NTM: variants seen among roughly 807,000 people sequenced by gnomAD.
The protein encoded by NTM is IgLON family member 2.
In NTM, 13 loss-of-function variants were observed where a neutral mutation model predicts 42.1. That is an observed-to-expected ratio of 0.31 (90% CI 0.20 to 0.49). The LOEUF is 0.49. Among genes scored for constraint, NTM ranks in the 20% least tolerant of loss-of-function variants. NTM has a pLI of 0.99. For synonymous variants in NTM, 187 were observed against 179.2 expected (o/e 1.04, Z -0.35); for missense variants, 373 against 452.8 (o/e 0.82, Z 1.60).
At chr11:131,436,491 T>C (rs995648058) in intron 1 of NTM, among the ~76,000 whole-genome samples, 2 of 152,222 alleles carry the variant, frequency 1.3e-5, no homozygotes, top group African/African-American at 4.8e-5. Context: ...GGGATTCAAC[T>C]TCTTCCTGGT....
intron 4 of NTM, among the ~76,000 whole-genome samples, chr11:132,285,663 T>C (rs975336502): frequency 6.6e-6 from 1 of 152,186 alleles, no homozygotes; most frequent in Non-Finnish European, 1.5e-5. Flanking sequence ...AAATTGGCAA[T>C]ATGAGTTTAG....
chr11:131,381,903 C>A (rs1050825961), intron 1 of NTM, among the ~76,000 whole-genome samples: 1 of 152,168 alleles, frequency 6.6e-6, no homozygotes, highest in African/African-American at 2.4e-5. Flanking sequence ...AAAAGAACAG[C>A]AGATGATTCT....
intron 1 of NTM, chr11:131,795,908 T>A (rs1044363081): frequency 1.5e-5 from 15 of 976,888 alleles, no homozygotes; most frequent in Non-Finnish European, 1.8e-5. Flanking sequence ...GGGATCACTT[T>A]ATTGGAGTAA....
chr11:132,062,086 C>G (rs1281828839), intron 2 of NTM, among the ~76,000 whole-genome samples: 2 of 152,132 alleles, frequency 1.3e-5, no homozygotes. Flanking sequence ...GAAGCAGGTA[C>G]AGTCACTCTA....
At chr11:131,612,063 C>T (rs1485979399) in intron 1 of NTM, among the ~76,000 whole-genome samples, 3 of 152,168 alleles carry the variant, frequency 2.0e-5, no homozygotes, top group Non-Finnish European at 4.4e-5. Flanking sequence ...ATCACATTTG[C>T]CACCACATCC....
At chr11:131,530,936 G>T (rs1234278111) in intron 1 of NTM, among the ~76,000 whole-genome samples, 1 of 152,234 alleles carries the variant, frequency 6.6e-6, no homozygotes, top group East Asian at 1.9e-4. Flanking sequence ...ACAGTAGTGG[G>T]AGGTAGGGAT....
intron 2 of NTM, among the ~76,000 whole-genome samples, chr11:131,995,933 G>A (rs930018619): frequency 3.4e-4 from 52 of 152,162 alleles, no homozygotes; most frequent in African/African-American, 1.2e-3. Context: ...TGCATGTGGT[G>A]ACCTGGTGAG....
At chr11:131,699,252 G>T (rs916288497) in intron 1 of NTM, among the ~76,000 whole-genome samples, 1 of 152,156 alleles carries the variant, frequency 6.6e-6, no homozygotes, top group East Asian at 1.9e-4. Context: ...AATTAGAAAC[G>T]TACTTTCCAG....
intron 1 of NTM, chr11:131,605,838 G>A (rs919256270): frequency 9.7e-5 from 95 of 984,380 alleles, no homozygotes; most frequent in Non-Finnish European, 1.1e-4. Context: ...TAACTGCCTG[G>A]AAGCCTCTTC....
At chr11:131,629,092 T>C (rs1397520697) in intron 1 of NTM, among the ~76,000 whole-genome samples, 1 of 152,228 alleles carries the variant, frequency 6.6e-6, no homozygotes, top group Non-Finnish European at 1.5e-5. Context: ...AATAGGGAGA[T>C]TTGGGACAGT....
chr11:131,920,871 A>G (rs1019017255), intron 2 of NTM, among the ~76,000 whole-genome samples: 1 of 152,198 alleles, frequency 6.6e-6, no homozygotes, highest in Non-Finnish European at 1.5e-5. Context: ...AGGAAGATGT[A>G]TCTGTGTGAA....
At chr11:132,014,025 A>G (rs184773015) in intron 2 of NTM, among the ~76,000 whole-genome samples, 4 of 151,974 alleles carry the variant, frequency 2.6e-5, no homozygotes, top group East Asian at 1.9e-4. Context: ...CCATTAGCCA[A>G]CCTTTCTTCA....
intron 2 of NTM, among the ~76,000 whole-genome samples, chr11:131,998,799 G>C (rs1170135274): frequency 1.3e-5 from 2 of 152,114 alleles, no homozygotes; most frequent in Admixed American, 6.5e-5. Context: ...GGGCAAGAAT[G>C]ATCGGTGGGG....
At chr11:131,374,200 G>T (rs1050601143) in intron 1 of NTM, among the ~76,000 whole-genome samples, 1 of 152,226 alleles carries the variant, frequency 6.6e-6, no homozygotes, top group Non-Finnish European at 1.5e-5. Context: ...TGCCTGCCAG[G>T]CTTGGGGCTG....
At chr11:132,154,885 T>A (rs1019047181) in intron 3 of NTM, among the ~76,000 whole-genome samples, 1 of 152,250 alleles carries the variant, frequency 6.6e-6, no homozygotes, top group Admixed American at 6.5e-5. Context: ...CCTGGAGTTT[T>A]TGGAGCACCA....
At chr11:131,672,135 G>A (rs1223189492) in intron 1 of NTM, among the ~76,000 whole-genome samples, 4 of 152,216 alleles carry the variant, frequency 2.6e-5, no homozygotes, top group African/African-American at 9.6e-5. Flanking sequence ...CGGGAGGACC[G>A]GCCTTCTTGG....
chr11:131,886,751 G>A (rs564056284), intron 1 of NTM, among the ~76,000 whole-genome samples: 1 of 152,342 alleles, frequency 6.6e-6, no homozygotes, highest in South Asian at 2.1e-4. Context: ...AGATGACAGA[G>A]CCAAGCTTTG....
At chr11:132,100,106 C>T (rs1166615137) in intron 2 of NTM, among the ~76,000 whole-genome samples, 1 of 152,196 alleles carries the variant, frequency 6.6e-6, no homozygotes, top group Non-Finnish European at 1.5e-5. Context: ...TAACTTATTA[C>T]ACTATGAGAG....
At chr11:131,493,347 A>G (rs1391686210) in intron 1 of NTM, among the ~76,000 whole-genome samples, 1 of 152,234 alleles carries the variant, frequency 6.6e-6, no homozygotes, top group Non-Finnish European at 1.5e-5. Context: ...ATTAAAGGGA[A>G]TAATCATAAC....
Sources: allele counts gnomAD v4.1 joint callset (sites outside exome capture counted in the v4.1 genomes callset), GRCh38; gene constraint gnomAD v4.1.1; transcripts MANE v1.5; gene names NCBI Gene and HGNC (gene_info 2026-07-23, HGNC 2026-07-21).